The following LSAMP variants were observed in gnomAD, a reference collection of about 807,000 sequenced individuals.
LSAMP encodes limbic system associated membrane protein.
Under a neutral mutation model 38.6 loss-of-function variants are expected in LSAMP, and 7 were observed. That is an observed-to-expected ratio of 0.18 (90% CI 0.10 to 0.34). The LOEUF (loss-of-function observed/expected upper bound fraction) is 0.34. LSAMP is among the 10% of genes least tolerant of loss of function. The pLI, the probability that LSAMP is intolerant of heterozygous loss-of-function variation, is 1.00. For synonymous variants in LSAMP, 154 were observed against 166.8 expected (o/e 0.92, Z 0.59); for missense variants, 313 against 420.0 (o/e 0.75, Z 2.23).
chr3:116,438,024 A>G (rs1436345130), intron 1 of LSAMP, among the ~76,000 whole-genome samples: 2 of 150,860 alleles, frequency 1.3e-5, no homozygotes, highest in African/African-American at 2.4e-5. Context: ...TTAATCACAC[A>G]TTAACTGGAG....
intron 3 of LSAMP, among the ~76,000 whole-genome samples, chr3:115,979,855 T>TTAATAAG (rs1192199454): frequency 6.6e-6 from 1 of 152,150 alleles, no homozygotes; most frequent in Non-Finnish European, 1.5e-5. Flanking sequence ...TAATAAGTGT[T>TTAATAAG]TGCTAACTAA....
intron 1 of LSAMP, among the ~76,000 whole-genome samples, chr3:116,396,386 G>T (rs1367973772): frequency 2.0e-5 from 3 of 152,098 alleles, no homozygotes; most frequent in African/African-American, 7.2e-5. Context: ...CTAAAATTCA[G>T]CACCTGCTTC....
chr3:116,113,583 G>T (rs901773035), intron 1 of LSAMP, among the ~76,000 whole-genome samples: 1 of 150,144 alleles, frequency 6.7e-6, no homozygotes, highest in Non-Finnish European at 1.5e-5. Context: ...CCGCCACTAC[G>T]CCCGGCTAAT....
chr3:116,131,340 C>G (rs936635222), intron 1 of LSAMP, among the ~76,000 whole-genome samples: 6 of 152,102 alleles, frequency 3.9e-5, no homozygotes, highest in African/African-American at 1.4e-4. Context: ...TGGCCGAAAA[C>G]TTGCTGACTG....
At chr3:116,297,559 T>TA (rs1351226937) in intron 1 of LSAMP, among the ~76,000 whole-genome samples, 2 of 152,222 alleles carry the variant, frequency 1.3e-5, no homozygotes, top group African/African-American at 4.8e-5. Flanking sequence ...TGACATACTG[T>TA]ACCTAAAATT....
intron 3 of LSAMP, among the ~76,000 whole-genome samples, chr3:115,924,934 A>T (rs1396711297): frequency 6.6e-6 from 1 of 152,178 alleles, no homozygotes; most frequent in African/African-American, 2.4e-5. Flanking sequence ...GCTCTTTCTT[A>T]TAAGAAATTC....
At chr3:116,271,075 A>C (rs1330085220) in intron 1 of LSAMP, among the ~76,000 whole-genome samples, 1 of 152,128 alleles carries the variant, frequency 6.6e-6, no homozygotes, top group East Asian at 1.9e-4. Context: ...TACACATTAG[A>C]TAATGATGTT....
rs545239984 is a variant in LSAMP at position 116,065,896 on chromosome 3, T to G, written c.388+20428A>C. Among the ~76,000 whole-genome samples, 4 of 152,362 alleles carry G rather than the reference T, an allele frequency of 2.6e-5. No homozygotes were observed. In the East Asian group the frequency reaches 7.7e-4, roughly 29 times the overall value. ...TGTATGAACTTGGATAGTTATTTAT[T>G]ATTTTCTGTTTCCATTATTTTATCT... On this transcript the variant is annotated intron_variant, in intron 2 of 6. Transcript: ENST00000490035.
intron 1 of LSAMP, among the ~76,000 whole-genome samples, chr3:116,131,042 G>T (rs781196847): frequency 6.9e-6 from 1 of 144,454 alleles, no homozygotes; most frequent in Non-Finnish European, 1.5e-5. Flanking sequence ...CCAGGCTGGA[G>T]TGCAGTGGCA....
At chr3:116,108,597 A>G (rs1480591922) in intron 1 of LSAMP, among the ~76,000 whole-genome samples, 5 of 152,214 alleles carry the variant, frequency 3.3e-5, no homozygotes, top group Admixed American at 3.3e-4. Flanking sequence ...CGCTAAGCCA[A>G]GAAGATCTGG....
At chr3:116,305,382 T>C (rs1255852051) in intron 1 of LSAMP, among the ~76,000 whole-genome samples, 1 of 152,118 alleles carries the variant, frequency 6.6e-6, no homozygotes, top group Non-Finnish European at 1.5e-5. Context: ...TAGTTCATCT[T>C]GAATAAAGAG....
intron 1 of LSAMP, among the ~76,000 whole-genome samples, chr3:116,119,132 G>T (rs949956014): frequency 2.0e-5 from 3 of 152,080 alleles, no homozygotes. Flanking sequence ...TAACAACTTT[G>T]TCAGGGCTTG....
In LSAMP at chr3:115,901,759, T is replaced by G. The variant is rs571862950; in HGVS notation, c.515-49142A>C. 5.3e-5 allele frequency among the ~76,000 whole-genome samples: 8 copies of G among 152,290 alleles called. No individual in the cohort carries two copies. The East Asian group carries it at 1.3e-3, about 26-fold the overall frequency. ...CTTATCAAGGCTTTAGTTCAACATCTTATCTCATATAAATGATAAAATTTA... is the reference window on the plus strand; with the variant it reads ...CTTATCAAGGCTTTAGTTCAACATCGTATCTCATATAAATGATAAAATTTA... On this transcript the variant is annotated intron_variant, in intron 3 of 6. Transcript: ENST00000490035.
At chr3:116,090,655 A>G (rs1708101801) in intron 1 of LSAMP, among the ~76,000 whole-genome samples, 1 of 152,200 alleles carries the variant, frequency 6.6e-6, no homozygotes, top group African/African-American at 2.4e-5. Context: ...TGAGAAATAA[A>G]AGGACAGAGT....
At chr3:115,942,238 T>C (rs1394635589) in intron 3 of LSAMP, among the ~76,000 whole-genome samples, 1 of 152,160 alleles carries the variant, frequency 6.6e-6, no homozygotes, top group African/African-American at 2.4e-5. Flanking sequence ...GTAGTGTCTC[T>C]TTTGAGTTCC....
At chr3:115,818,195 T>A (rs1234748180) in intron 6 of LSAMP, among the ~76,000 whole-genome samples, 1 of 152,206 alleles carries the variant, frequency 6.6e-6, no homozygotes, top group South Asian at 2.1e-4. Flanking sequence ...GATATTTAAA[T>A]GATTCAATAC....
intron 3 of LSAMP, among the ~76,000 whole-genome samples, chr3:115,857,594 CT>C (rs1935548410): frequency 6.6e-6 from 1 of 152,126 alleles, no homozygotes; most frequent in African/African-American, 2.4e-5. Flanking sequence ...CACAAGCCTG[CT>C]CACATCGCTG....
At position 116,061,493 on chromosome 3, in the gene LSAMP, C is replaced by A. The variant is rs547892528; in HGVS notation, c.388+24831G>T. On this transcript the variant is annotated intron_variant, in intron 2 of 6. Coordinates refer to ENST00000490035, the MANE Select transcript of LSAMP (RefSeq NM_002338.5). ...CATGGTAGGTGGTGGTGGTGGTAAG[C>A]AAATTGTGTTCATCTTCACTTCCTT... Among the ~76,000 whole-genome samples, 4 of 152,156 alleles carry A rather than the reference C, an allele frequency of 2.6e-5. No homozygotes were observed. The East Asian group carries it at 5.8e-4, about 22-fold the overall frequency.
At chr3:115,872,223 A>G (rs576347544) in intron 3 of LSAMP, among the ~76,000 whole-genome samples, 55 of 152,274 alleles carry the variant, frequency 3.6e-4, no homozygotes, top group African/African-American at 1.3e-3. Context: ...ATGTGTGTGT[A>G]TGCTAATGGG....
Sources: gnomAD v4.1 joint callset for allele counts (sites outside exome capture counted in the v4.1 genomes callset) on GRCh38, gnomAD v4.1.1 for gene constraint, MANE v1.5 for transcripts, NCBI Gene and HGNC (gene_info 2026-07-23, HGNC 2026-07-21) for gene names.